ZBTB43: variants seen among roughly 807,000 people sequenced by gnomAD.
ZBTB43 encodes the protein zinc finger and BTB domain-containing protein 43.
In ZBTB43, 6 loss-of-function variants were observed where a neutral mutation model predicts 31.1. That is an observed-to-expected ratio of 0.19 (90% confidence interval 0.11 to 0.38). The LOEUF is 0.38. Ranked by LOEUF, ZBTB43 falls within the 10% of genes least tolerant of loss-of-function variation. The pLI, the probability that ZBTB43 is intolerant of heterozygous loss-of-function variation, is 1.00. For synonymous variants in ZBTB43, 212 were observed against 221.7 expected (o/e 0.96, Z 0.39); for missense variants, 379 against 602.1 (o/e 0.63, Z 3.88).
chr9:126,838,082 T>G lies in ZBTB43; in HGVS notation c.*4169T>G, dbSNP rs2032921244. 6.0e-6 allele frequency: 1 copy of G among 167,026 alleles called. No individual in the cohort carries two copies. The highest frequency in any genetic ancestry group is 1.5e-5 in the Non-Finnish European group (1 of 68,132). 10.3% of individuals were successfully genotyped at this position (167,026 alleles called of 1,614,324 possible). A position where few individuals can be genotyped will look rare whatever the true frequency, so the allele number is the denominator to read the frequency against. On this transcript the variant is annotated 3_prime_UTR_variant, in exon 3 of 3. Coordinates refer to ENST00000373464, the MANE Select transcript of ZBTB43 (RefSeq NM_014007.4). ...GTTGAATAGTTTTGTCTTTATATATTGCTGTCTTCAGTGTACAGCATGGTT... is the reference window on the plus strand; with the variant it reads ...GTTGAATAGTTTTGTCTTTATATATGGCTGTCTTCAGTGTACAGCATGGTT...
rs538931867 is a variant in ZBTB43, at chr9:126,820,919, A to G, written c.-23-11568A>G. Among the ~76,000 whole-genome samples, 160 of 146,336 alleles carry G rather than the reference A, an allele frequency of 1.1e-3. 1 individual carries two copies. The highest frequency in any genetic ancestry group is 3.0e-3 in the African/African-American group (121 of 40,022). ...AGAGTCGAGGCTGCAGTGAGCCACAATCGCACCACTGCACTCCAGCCTGGG... is the reference window on the plus strand; with the variant it reads ...AGAGTCGAGGCTGCAGTGAGCCACAGTCGCACCACTGCACTCCAGCCTGGG... On this transcript the variant is annotated intron_variant, in intron 2 of 2. Coordinates refer to ENST00000373464, the MANE Select transcript of ZBTB43 (RefSeq NM_014007.4).
chr9:126,835,090 G>A lies in ZBTB43; in HGVS notation c.*1177G>A, dbSNP rs554133950. 2.0e-4 allele frequency: 34 copies of A among 167,152 alleles called. No homozygotes were observed. Among genetic ancestry groups the A allele is most frequent in the South Asian group, 2.1e-4 (1 of 4,826 alleles). 10.4% of individuals were successfully genotyped at this position (167,152 alleles called of 1,614,324 possible). A position where few individuals can be genotyped will look rare whatever the true frequency, so the allele number is the denominator to read the frequency against. ...AGGGTACACTGAGCTAATACTACCA[G>A]TTCTTTATGAGCACTGGAATGTGTT... On this transcript the variant is annotated 3_prime_UTR_variant, in exon 3 of 3. Coordinates refer to ENST00000373464, the MANE Select transcript of ZBTB43 (RefSeq NM_014007.4).
rs763793863 is a variant in ZBTB43 at position 126,833,119 on chromosome 9, G to A, written c.610G>A (p.Asp204Asn). The A allele has an allele frequency of 1.9e-6, 3 of 1,614,064 alleles. No homozygotes were observed. The South Asian group carries it at 3.3e-5, about 18-fold the overall frequency. ...GCCCAGCAACTCGTCCACAGAGCAT[G>A]ACCGCCTGAGCACGGAAATGGCAAG... ...YLPSNSSTEH[D>N]RLSTEMASQD... The change falls in exon 3 of 3, where the codon GAC (aspartate) becomes AAC (asparagine). Residue 204 changes from aspartate (D) to asparagine (N), a missense_variant. Asp to Asn is a conservative substitution (Grantham distance 23). Around this residue, in one of 5 missense-constraint regions of ZBTB43, gnomAD observed 253 missense variants for 322.3 expected, o/e 0.79. Transcript: ENST00000373464. This position sits in a 1 kb window ranked among gnomAD's most constrained non-coding sequence, Gnocchi z 7.9.
chr9:126,819,279 AT>A (rs71377975), intron 2 of ZBTB43, among the ~76,000 whole-genome samples: 11,422 of 100,036 alleles, frequency 0.11, 544 homozygotes, highest in East Asian at 0.33. Flanking sequence ...CGGATATTGC[AT>A]TTTTTTTTTT....
rs1220077892 is a variant in ZBTB43, at chr9:126,834,094, G to A, written c.*181G>A. 5.8e-6 allele frequency: 4 copies of A among 687,274 alleles called. No individual in the cohort carries two copies. The highest frequency in any genetic ancestry group is 9.0e-6 in the Non-Finnish European group (4 of 442,352). 42.6% of individuals were successfully genotyped at this position (687,274 alleles called of 1,614,324 possible). Reference sequence around the variant, plus strand: ...TAAAAAAATCTAATTCCTCAAATTTGTGTGTTCCAGTCCTGGCCTGGAATG... The same window carrying A: ...TAAAAAAATCTAATTCCTCAAATTTATGTGTTCCAGTCCTGGCCTGGAATG... On this transcript the variant is annotated 3_prime_UTR_variant, in exon 3 of 3. Coordinates refer to ENST00000373464, the MANE Select transcript of ZBTB43 (RefSeq NM_014007.4).
At chr9:126,828,612 G>A (rs2032696331) in intron 2 of ZBTB43, among the ~76,000 whole-genome samples, 1 of 146,878 alleles carries the variant, frequency 6.8e-6, no homozygotes. Context: ...GGGCAACACA[G>A]TGAGACCCCC....
chr9:126,817,633 G>T (rs748890489), intron 2 of ZBTB43, among the ~76,000 whole-genome samples: 3 of 151,854 alleles, frequency 2.0e-5, no homozygotes, highest in Non-Finnish European at 4.4e-5. Context: ...CTGCCACCAC[G>T]CCCGGCTAAT....
chr9:126,809,859 A>G (rs1266770756), intron 2 of ZBTB43, among the ~76,000 whole-genome samples: 1 of 147,744 alleles, frequency 6.8e-6, no homozygotes, highest in Non-Finnish European at 1.5e-5. Context: ...TTTTTGAGAC[A>G]GAGTCTCGCT....
chr9:126,822,544 A>G (rs1292197715), intron 2 of ZBTB43, among the ~76,000 whole-genome samples: 1 of 151,900 alleles, frequency 6.6e-6, no homozygotes, highest in African/African-American at 2.4e-5. Context: ...GGAGCTCAAG[A>G]CCATCCTGGG....
intron 2 of ZBTB43, among the ~76,000 whole-genome samples, chr9:126,826,841 T>C (rs1428763618): frequency 6.6e-6 from 1 of 152,216 alleles, no homozygotes; most frequent in Admixed American, 6.5e-5. Flanking sequence ...CATTATTTTC[T>C]TTTGTTCTTT....
Position 126,818,750 on chromosome 9 carries a change from C to T in ZBTB43, c.-24+9835C>T, listed in dbSNP as rs190203231. On this transcript the variant is annotated intron_variant, in intron 2 of 2. Transcript: ENST00000373464. ...GTGGTGTATAATTCTTTTAATATGC[C>T]GCTTAATTTGGTTTGGTAGTATTTT... Among the ~76,000 whole-genome samples, 60 of 152,094 alleles carry T rather than the reference C, an allele frequency of 3.9e-4. No individual in the cohort carries two copies. The East Asian group carries it at 4.6e-3, about 12-fold the overall frequency.
intron 1 of ZBTB43, among the ~76,000 whole-genome samples, chr9:126,807,400 TTTCAA>T (rs1191175582): frequency 6.6e-6 from 1 of 152,190 alleles, no homozygotes; most frequent in African/African-American, 2.4e-5. Flanking sequence ...TCTGTGCACT[TTTCAA>T]TTCAGAGTGT....
chr9:126,808,912 T>C lies in ZBTB43; in HGVS notation c.-27T>C, dbSNP rs933431097. The C allele has an allele frequency of 1.3e-5, 2 of 152,230 alleles. No homozygotes were observed. The highest frequency in any genetic ancestry group is 4.8e-5 in the African/African-American group (2 of 41,460). 9.4% of individuals were successfully genotyped at this position (152,230 alleles called of 1,614,324 possible). A position where few individuals can be genotyped will look rare whatever the true frequency, so the allele number is the denominator to read the frequency against. Reference sequence around the variant, plus strand: ...TCTATCCCAGGAATACAGCTTTGCATTAGGTAAGCTATCAACTTGATCACG... The same window carrying C: ...TCTATCCCAGGAATACAGCTTTGCACTAGGTAAGCTATCAACTTGATCACG... On this transcript the variant is annotated 5_prime_UTR_variant, in exon 2 of 3. Transcript: ENST00000373464.
chr9:126,833,862 T>G lies in ZBTB43; in HGVS notation c.1353T>G (p.Thr451=). The G allele has an allele frequency of 6.3e-7, 1 of 1,598,562 alleles. No homozygotes were observed. The highest frequency in any genetic ancestry group is 1.1e-5 in the South Asian group (1 of 90,862). ...TCCACCGGCATGTGACTTCTTGTAC[T>G]AAGTCCTACGAAGCTGCAAAGGCTG... ...DSFHRHVTSC[T]KSYEAAKAEQ... is the part of the protein sequence containing the mutation. The change falls in exon 3 of 3, where the codon ACT becomes ACG. Residue 451 remains threonine (T), a synonymous_variant. Transcript: ENST00000373464. The surrounding 1 kb of genome is among the most constrained non-coding windows in gnomAD (Gnocchi z 7.9).
intron 2 of ZBTB43, among the ~76,000 whole-genome samples, chr9:126,830,148 A>G (rs2032733773): frequency 1.3e-5 from 2 of 152,208 alleles, no homozygotes; most frequent in Admixed American, 6.5e-5. Context: ...ACCTTGGGAA[A>G]GTTACTTAAA....
intron 2 of ZBTB43, among the ~76,000 whole-genome samples, chr9:126,815,898 G>A (rs1054594835): frequency 6.6e-6 from 1 of 151,434 alleles, no homozygotes; most frequent in Non-Finnish European, 1.5e-5. Context: ...TACCTTGTTC[G>A]GTGCTGGATA....
At chr9:126,824,994 G>A (rs775357841) in intron 2 of ZBTB43, among the ~76,000 whole-genome samples, 51 of 152,266 alleles carry the variant, frequency 3.3e-4, no homozygotes, top group Middle Eastern at 6.8e-3. Flanking sequence ...ACCTAGGCTG[G>A]AGTATAGTGA....
intron 2 of ZBTB43, among the ~76,000 whole-genome samples, chr9:126,828,465 G>A (rs2032693423): frequency 6.6e-6 from 1 of 151,306 alleles, no homozygotes; most frequent in Non-Finnish European, 1.5e-5. Context: ...CTACAGGTGT[G>A]AGCCACCACT....
chr9:126,814,953 G>A (rs2032343100), intron 2 of ZBTB43, among the ~76,000 whole-genome samples: 1 of 146,930 alleles, frequency 6.8e-6, no homozygotes, highest in Non-Finnish European at 1.5e-5. Flanking sequence ...TTGCTTCTGA[G>A]GTTCTCTGTA....
Sources: allele counts gnomAD v4.1 joint callset (sites outside exome capture counted in the v4.1 genomes callset), GRCh38; gene constraint gnomAD v4.1.1; regional missense constraint gnomAD v4.1.1; non-coding constraint Gnocchi (gnomAD v3.1); transcripts MANE v1.5; gene names NCBI Gene and HGNC (gene_info 2026-07-23, HGNC 2026-07-21).